The following WDR64 variants were observed in gnomAD, a reference collection of about 807,000 sequenced individuals.
The protein encoded by WDR64 is WD repeat domain 64, also known as WD repeat-containing protein 64.
A neutral mutation model predicts 139.3 loss-of-function variants in WDR64; 112 were observed. The ratio of observed to expected loss-of-function variants is 0.80; its 90% CI spans 0.69 to 0.94. The LOEUF is 0.94. Ranked by LOEUF, WDR64 falls within the 40% of genes least tolerant of loss-of-function variation. The pLI is 0.00. For missense variants in WDR64, 1,206 were observed against 1,293.1 expected (o/e 0.93, Z 1.03); for synonymous variants, 444 against 437.7 (o/e 1.01, Z -0.18).
At chr1:241,664,427 T>C (rs1320562552) in intron 2 of WDR64, among the ~76,000 whole-genome samples, 1 of 152,240 alleles carries the variant, frequency 6.6e-6, no homozygotes, top group Non-Finnish European at 1.5e-5. Context: ...AGTCTGTTCA[T>C]ATTTTATTAC....
At chr1:241,797,281 T>C (rs1267880008) in intron 27 of WDR64, among the ~76,000 whole-genome samples, 3 of 152,228 alleles carry the variant, frequency 2.0e-5, no homozygotes, top group Non-Finnish European at 4.4e-5. Flanking sequence ...ATACCTACTC[T>C]GACTCCAAGC....
intron 8 of WDR64, among the ~76,000 whole-genome samples, chr1:241,709,682 T>C (rs909936789): frequency 2.0e-5 from 3 of 152,150 alleles, no homozygotes; most frequent in African/African-American, 7.2e-5. Context: ...CTGTAAAAAG[T>C]ATAGTCCAGA....
chr1:241,679,111 A>T (rs1226213931), intron 5 of WDR64, among the ~76,000 whole-genome samples: 1 of 152,140 alleles, frequency 6.6e-6, no homozygotes, highest in Non-Finnish European at 1.5e-5. Context: ...GTTTTCTAGC[A>T]TGGGGACAGG....
intron 12 of WDR64, 64 bp from the exon 13 acceptor site, chr1:241,744,329 A>G (rs765626448): frequency 6.3e-7 from 1 of 1,598,700 alleles, no homozygotes; most frequent in Non-Finnish European, 8.5e-7. Flanking sequence ...ATATGGTGTA[A>G]TTCTGATGAG....
At chr1:241,699,857 T>C (rs748710894) in intron 8 of WDR64, among the ~76,000 whole-genome samples, 6 of 152,066 alleles carry the variant, frequency 3.9e-5, no homozygotes, top group Non-Finnish European at 5.9e-5. Context: ...CTGCATACCA[T>C]GCTAAAGAGT....
chr1:241,747,528 A>G lies in WDR64; in HGVS notation c.1595-2019A>G, dbSNP rs562571545. Among the ~76,000 whole-genome samples, 3 of 152,330 alleles carry G rather than the reference A, an allele frequency of 2.0e-5. No individual in the cohort carries two copies. The South Asian group carries it at 6.2e-4, about 32-fold the overall frequency. On this transcript the variant is annotated intron_variant, in intron 13 of 27. Transcript: ENST00000437684. ...TTTTGCCAAACACTGAAACACTGAT[A>G]CAAATCTTTAAATTTGTACATTAGT...
chr1:241,730,707 AC>A (rs953290240), intron 10 of WDR64, among the ~76,000 whole-genome samples: 2 of 152,050 alleles, frequency 1.3e-5, no homozygotes, highest in Admixed American at 6.5e-5. Flanking sequence ...CCAATATATG[AC>A]CCCCTGCTAA....
intron 14 of WDR64, among the ~76,000 whole-genome samples, chr1:241,754,062 C>A (rs1670079080): frequency 1.3e-5 from 2 of 151,912 alleles, no homozygotes; most frequent in South Asian, 4.1e-4. Flanking sequence ...AGAAAAAAAA[C>A]TCCACAGATT....
At chr1:241,747,081 A>C (rs1373602403) in intron 13 of WDR64, among the ~76,000 whole-genome samples, 2 of 152,210 alleles carry the variant, frequency 1.3e-5, no homozygotes, top group Non-Finnish European at 2.9e-5. Context: ...TTAAAATAAC[A>C]AAGTAAGATG....
At chr1:241,755,559 T>A (rs985055292) in intron 14 of WDR64, among the ~76,000 whole-genome samples, 6 of 152,220 alleles carry the variant, frequency 3.9e-5, no homozygotes, top group African/African-American at 1.4e-4. Flanking sequence ...AGCTCTTTAG[T>A]TTAATTAGAT....
intron 8 of WDR64, among the ~76,000 whole-genome samples, chr1:241,711,067 T>A (rs1668143905): frequency 6.6e-6 from 1 of 152,048 alleles, no homozygotes; most frequent in Admixed American, 6.6e-5. Context: ...TTAAACACTA[T>A]CTCTGCTAAA....
intron 9 of WDR64, among the ~76,000 whole-genome samples, chr1:241,714,817 A>G (rs546364354): frequency 1.3e-5 from 2 of 152,320 alleles, no homozygotes; most frequent in African/African-American, 4.8e-5. Flanking sequence ...TTTTTCAGCA[A>G]TCACTTAATT....
Position 241,802,159 on chromosome 1 carries a change from C to A in WDR64, c.*944C>A, listed in dbSNP as rs1330751020. 11 of 397,870 alleles carry A rather than the reference C, an allele frequency of 2.8e-5. No homozygotes were observed. Among genetic ancestry groups the A allele is most frequent in the Middle Eastern group, 6.2e-4 (1 of 1,604 alleles). The allele number at this position is 397,870 out of a possible 1,614,324, so 24.6% of individuals were successfully genotyped here. A position where few individuals can be genotyped will look rare whatever the true frequency, so the allele number is the denominator to read the frequency against. ...AAAGGAAAAAGCCTAGTTTCCACAA[C>A]AGAAGAATGACTAAACAAACTATGG... On this transcript the variant is annotated 3_prime_UTR_variant, in exon 28 of 28. Transcript: ENST00000437684.
intron 10 of WDR64, among the ~76,000 whole-genome samples, chr1:241,737,430 C>T (rs1443079631): frequency 6.6e-6 from 1 of 152,164 alleles, no homozygotes; most frequent in Non-Finnish European, 1.5e-5. Flanking sequence ...AACTAAACTA[C>T]TTACTGAAGT....
At chr1:241,770,467 A>G in intron 17 of WDR64, 154 bp from the exon 18 acceptor site, 1 of 587,492 alleles carries the variant, frequency 1.7e-6, no homozygotes, top group Non-Finnish European at 3.0e-6. Flanking sequence ...CATTTATTAC[A>G]CAGAATATAA....
intron 1 of WDR64, among the ~76,000 whole-genome samples, chr1:241,659,440 G>A (rs554735336): frequency 1.3e-5 from 2 of 152,230 alleles, no homozygotes; most frequent in African/African-American, 4.8e-5. Context: ...TGGGATTGCT[G>A]GGTCAAATGG....
intron 11 of WDR64, among the ~76,000 whole-genome samples, chr1:241,740,642 T>C (rs1558500991): frequency 6.6e-6 from 1 of 150,984 alleles, no homozygotes; most frequent in Non-Finnish European, 1.5e-5. Context: ...ACAGGAATGC[T>C]CTGAGATTCT....
At chr1:241,705,198 G>A (rs1334467650) in intron 8 of WDR64, among the ~76,000 whole-genome samples, 6 of 152,146 alleles carry the variant, frequency 3.9e-5, no homozygotes, top group Non-Finnish European at 8.8e-5. Flanking sequence ...ACATGTACGC[G>A]ATGACCACTA....
intron 7 of WDR64, 78 bp from the exon 8 acceptor site, chr1:241,687,383 A>G (rs567233038): frequency 1.3e-6 from 2 of 1,550,070 alleles, no homozygotes; most frequent in East Asian, 2.3e-5. Flanking sequence ...GTTACAGTCA[A>G]AGTAAATTGC....
Sources: gnomAD v4.1 joint callset for allele counts (sites outside exome capture counted in the v4.1 genomes callset) on GRCh38, gnomAD v4.1.1 for gene constraint, MANE v1.5 for transcripts, NCBI Gene and HGNC (gene_info 2026-07-23, HGNC 2026-07-21) for gene names.